The following DPP6 variants were observed in gnomAD, a reference collection of about 807,000 sequenced individuals.
The protein encoded by DPP6 is A-type potassium channel modulatory protein DPP6.
DPP6 carries 69 observed loss-of-function variants against 122.6 expected under a neutral mutation model. The ratio of observed to expected loss-of-function variants is 0.56; its 90% confidence interval spans 0.46 to 0.69. DPP6 has a LOEUF of 0.69. DPP6 is among the 30% of genes least tolerant of loss of function. The pLI is 0.00. For synonymous variants in DPP6, 418 were observed against 433.1 expected (o/e 0.97, Z 0.43); for missense variants, 928 against 1,116.9 (o/e 0.83, Z 2.41).
chr7:154,887,171 G>C (rs1303746447), intron 22 of DPP6, among the ~76,000 whole-genome samples: 1 of 152,016 alleles, frequency 6.6e-6, no homozygotes, highest in Non-Finnish European at 1.5e-5. Flanking sequence ...CTGCAGGCCA[G>C]GGGCACTGTG....
At chr7:154,193,993 T>A (rs985019715) in intron 1 of DPP6, among the ~76,000 whole-genome samples, 3 of 152,124 alleles carry the variant, frequency 2.0e-5, no homozygotes, top group Non-Finnish European at 4.4e-5. Context: ...AAGGAACATA[T>A]CGTGCCCAAT....
chr7:154,189,483 A>C (rs10280963), intron 1 of DPP6, among the ~76,000 whole-genome samples: 60,965 of 152,102 alleles, frequency 0.4, 15,447 homozygotes, highest in African/African-American at 0.73. Context: ...GGTGGCTGAT[A>C]ACTGTCATGG....
At chr7:154,237,495 A>G (rs1228574711) in intron 1 of DPP6, among the ~76,000 whole-genome samples, 1 of 152,146 alleles carries the variant, frequency 6.6e-6, no homozygotes, top group Non-Finnish European at 1.5e-5. Flanking sequence ...GAAAACAACT[A>G]AGTGAACAGC....
chr7:154,814,122 C>T (rs1005602460), intron 16 of DPP6, among the ~76,000 whole-genome samples: 9 of 149,564 alleles, frequency 6.0e-5, no homozygotes, highest in African/African-American at 2.2e-4. Flanking sequence ...CTCAGGTGAT[C>T]CACCTGCCTC....
rs1158548494 is a variant in DPP6 at position 153,923,760 on chromosome 7, CAAAAAAAAAA to C, written c.51+36039_51+36048del. ...TGGGCAACAGAGCGAGACTCCATCT[CAAAAAAAAAA>C]AAAAAAAAAAAAGAAGATTCCTTCA... On this transcript the variant is annotated intron_variant, in intron 1 of 25. Coordinates refer to the DPP6 transcript ENST00000404039. Among the ~76,000 whole-genome samples, 4 of 46,794 alleles carry C rather than the reference CAAAAAAAAAA, an allele frequency of 8.5e-5. No individual in the cohort carries two copies. The East Asian group carries it at 1.8e-3, about 21-fold the overall frequency. The allele number at this position is 46,794 out of a possible 152,430, so 30.7% of individuals were successfully genotyped here.
chr7:154,628,865 T>C (rs1835243420), intron 5 of DPP6, among the ~76,000 whole-genome samples: 1 of 152,134 alleles, frequency 6.6e-6, no homozygotes, highest in Admixed American at 6.5e-5. Context: ...GAAGATACCA[T>C]GTAAATGTGG....
intron 1 of DPP6, among the ~76,000 whole-genome samples, chr7:154,157,328 C>T (rs1017867723): frequency 3.3e-5 from 5 of 152,170 alleles, no homozygotes; most frequent in Admixed American, 6.5e-5. Context: ...GCCAGGAGCC[C>T]GGCACAGGTC....
intron 16 of DPP6, among the ~76,000 whole-genome samples, chr7:154,848,357 A>C (rs1390018404): frequency 1.3e-5 from 2 of 152,104 alleles, no homozygotes; most frequent in Non-Finnish European, 2.9e-5. Flanking sequence ...TCTTTATAAT[A>C]GCCATTCTCA....
chr7:153,988,263 G>T (rs929294682), intron 1 of DPP6, among the ~76,000 whole-genome samples: 1 of 151,722 alleles, frequency 6.6e-6, no homozygotes, highest in Non-Finnish European at 1.5e-5. Flanking sequence ...GGCTGACAGT[G>T]CTGGAGTGGA....
intron 8 of DPP6, among the ~76,000 whole-genome samples, chr7:154,761,689 C>A (rs1563182045): frequency 6.9e-6 from 1 of 145,488 alleles, no homozygotes; most frequent in African/African-American, 2.4e-5. Flanking sequence ...GAGGGAGGCA[C>A]CACACTTTTT....
intron 1 of DPP6, among the ~76,000 whole-genome samples, chr7:153,919,992 C>T (rs1405984627): frequency 3.3e-5 from 5 of 152,192 alleles, no homozygotes; most frequent in Admixed American, 1.3e-4. Flanking sequence ...CTGGAGGTAG[C>T]ATGAGCTTAT....
intron 4 of DPP6, among the ~76,000 whole-genome samples, chr7:154,544,413 C>T (rs1166685908): frequency 6.6e-6 from 1 of 152,150 alleles, no homozygotes; most frequent in East Asian, 1.9e-4. Flanking sequence ...CAGTTCTAAG[C>T]TCACTGGAGC....
At chr7:153,826,599 C>G in the DPP6 span, among the ~76,000 whole-genome samples, 1 of 152,178 alleles carries the variant, frequency 6.6e-6, no homozygotes, top group Admixed American at 6.5e-5. Flanking sequence ...GCTAATATCC[C>G]CCACCTGCTA....
chr7:153,967,346 G>A (rs1795799912), intron 1 of DPP6, among the ~76,000 whole-genome samples: 1 of 152,120 alleles, frequency 6.6e-6, no homozygotes, highest in Admixed American at 6.5e-5. Context: ...GAAGGAGATG[G>A]CCTTGCAGTT....
chr7:154,292,955 T>C (rs1477924931), intron 1 of DPP6, among the ~76,000 whole-genome samples: 1 of 152,216 alleles, frequency 6.6e-6, no homozygotes. Flanking sequence ...ATAATAGAAA[T>C]CTTGGGCTTT....
chr7:154,466,604 C>T (rs902324747), intron 2 of DPP6, among the ~76,000 whole-genome samples: 12 of 152,182 alleles, frequency 7.9e-5, no homozygotes, highest in African/African-American at 2.9e-4. Flanking sequence ...TAGAGCTTCA[C>T]CCTCTGATCT....
intron 2 of DPP6, among the ~76,000 whole-genome samples, chr7:154,456,566 C>T (rs1419375915): frequency 6.2e-5 from 6 of 97,132 alleles, no homozygotes; most frequent in Non-Finnish European, 1.4e-4. Flanking sequence ...AAAAATGCGC[C>T]CCCCCCACCA....
chr7:154,650,376 G>A lies in DPP6; in HGVS notation c.680+12503G>A, dbSNP rs191856869. ...GAGGGCAGAGGAGGGGAGGGGAGGG[G>A]ACTATGCATATCCCAGTAGCCTGGC... On this transcript the variant is annotated intron_variant, in intron 6 of 25. Coordinates refer to ENST00000377770, the MANE Select transcript of DPP6 (RefSeq NM_130797.4). 2.6e-4 allele frequency among the ~76,000 whole-genome samples: 39 copies of A among 151,894 alleles called. No individual in the cohort carries two copies. In the East Asian group the frequency reaches 7.2e-3, roughly 28 times the overall value.
At chr7:154,539,365 T>TA (rs1457182947) in intron 3 of DPP6, among the ~76,000 whole-genome samples, 1 of 152,324 alleles carries the variant, frequency 6.6e-6, no homozygotes, top group East Asian at 1.9e-4. Context: ...TGTGCTTACT[T>TA]ACTATTTTTG....
Sources: allele counts gnomAD v4.1 joint callset (sites outside exome capture counted in the v4.1 genomes callset), GRCh38; gene constraint gnomAD v4.1.1; transcripts MANE v1.5; gene names NCBI Gene and HGNC (gene_info 2026-07-23, HGNC 2026-07-21).